Variants in ZNF407 observed in about 807,000 individuals in gnomAD.
The protein encoded by ZNF407 is zinc finger protein 407.
Under a neutral mutation model 131.2 loss-of-function variants are expected in ZNF407, and 17 were observed. That is an observed-to-expected ratio of 0.13 (90% confidence interval 0.09 to 0.19). The LOEUF (loss-of-function observed/expected upper bound fraction) is 0.19, where lower values mean the gene tolerates loss of function less well. ZNF407 is among the 10% of genes least tolerant of loss of function. ZNF407 has a pLI of 1.00. For missense variants in ZNF407, 2,681 were observed against 2,830.6 expected, an observed-to-expected ratio of 0.95 and a Z score of 1.20; for synonymous variants, 1,156 against 1,062.0, an observed-to-expected ratio of 1.09 and a Z score of -1.72.
chr18:74,687,736 A>G (rs879209167), intron 3 of ZNF407, among the ~76,000 whole-genome samples: 1 of 152,198 alleles, frequency 6.6e-6, no homozygotes, highest in African/African-American at 2.4e-5. Flanking sequence ...GCACTCATTT[A>G]TTACAAAGTC....
chr18:74,734,862 A>G (rs913090682), intron 3 of ZNF407, among the ~76,000 whole-genome samples: 1 of 152,136 alleles, frequency 6.6e-6, no homozygotes, highest in African/African-American at 2.4e-5. Context: ...TACATTTTGG[A>G]TAATGTCTAG....
chr18:74,906,942 A>C (rs1242458144), intron 7 of ZNF407, among the ~76,000 whole-genome samples: 1 of 152,220 alleles, frequency 6.6e-6, no homozygotes, highest in Non-Finnish European at 1.5e-5. Context: ...GTGTGTGCAC[A>C]CACACTGTAT....
intron 3 of ZNF407, among the ~76,000 whole-genome samples, chr18:74,767,350 C>T (rs180924834): frequency 6.6e-6 from 1 of 152,138 alleles, no homozygotes; most frequent in Non-Finnish European, 1.5e-5. Flanking sequence ...GCCAATGTTG[C>T]GGTAATTGAT....
At chr18:74,843,564 C>T (rs534987924) in intron 4 of ZNF407, among the ~76,000 whole-genome samples, 2 of 152,242 alleles carry the variant, frequency 1.3e-5, no homozygotes, top group East Asian at 3.9e-4. Flanking sequence ...CTATATGCTT[C>T]CTATGCATGG....
chr18:74,847,791 T>G (rs1261626406), intron 4 of ZNF407, among the ~76,000 whole-genome samples: 2 of 152,074 alleles, frequency 1.3e-5, no homozygotes. Context: ...CTTTAAAGAA[T>G]TTTTTGTCAT....
intron 3 of ZNF407, among the ~76,000 whole-genome samples, chr18:74,676,518 G>A (rs1002207010): frequency 1.3e-5 from 2 of 149,732 alleles, no homozygotes; most frequent in Non-Finnish European, 3.0e-5. Flanking sequence ...CTCACTGCAA[G>A]CTCCGCCTCC....
At chr18:75,015,515 T>A (rs974434155) in intron 8 of ZNF407, among the ~76,000 whole-genome samples, 114 of 147,936 alleles carry the variant, frequency 7.7e-4, no homozygotes, top group African/African-American at 2.7e-3. Flanking sequence ...ATATATATAA[T>A]ATATATGTTT....
chr18:74,878,759 A>G lies in ZNF407; in HGVS notation c.5044+1396A>G, dbSNP rs539383633. 1.3e-3 allele frequency among the ~76,000 whole-genome samples: 196 copies of G among 152,230 alleles called. 2 individuals are homozygous for G. The highest frequency in any genetic ancestry group is 4.2e-3 in the African/African-American group (175 of 41,540). ...TCCCATTATATCTCTGCTATCATAT[A>G]AATAGGGCATGCTGAATGAACCCCC... On this transcript the variant is annotated intron_variant, in intron 5 of 8. Transcript: ENST00000299687.
chr18:74,810,250 G>A (rs544421227), intron 4 of ZNF407, among the ~76,000 whole-genome samples: 3 of 152,216 alleles, frequency 2.0e-5, no homozygotes, highest in South Asian at 2.1e-4. Context: ...TGGATGCTGC[G>A]GTGGACTGGA....
intron 4 of ZNF407, among the ~76,000 whole-genome samples, chr18:74,802,535 C>T (rs548744423): frequency 1.3e-5 from 2 of 152,128 alleles, no homozygotes; most frequent in Non-Finnish European, 2.9e-5. Context: ...ATATTAAAAT[C>T]CAAATTTTAT....
intron 4 of ZNF407, among the ~76,000 whole-genome samples, chr18:74,800,200 T>A (rs962450621): frequency 7.9e-5 from 12 of 152,072 alleles, no homozygotes; most frequent in African/African-American, 2.4e-4. Flanking sequence ...AAGATAGACT[T>A]ACTTAAATTT....
chr18:74,831,985 A>G (rs543872997), intron 4 of ZNF407, among the ~76,000 whole-genome samples: 2 of 152,096 alleles, frequency 1.3e-5, no homozygotes, highest in South Asian at 2.1e-4. Flanking sequence ...GTCTGGACTA[A>G]CACCTTACAC....
At chr18:74,781,849 C>T (rs1568213127) in intron 4 of ZNF407, among the ~76,000 whole-genome samples, 1 of 152,052 alleles carries the variant, frequency 6.6e-6, no homozygotes, top group Non-Finnish European at 1.5e-5. Context: ...ATTATATATT[C>T]TTATTTTGAG....
chr18:74,631,698 A>C lies in ZNF407; in HGVS notation c.679A>C (p.Ser227Arg). The C allele has an allele frequency of 6.2e-7, 1 of 1,614,058 alleles. No homozygotes were observed. Among genetic ancestry groups the C allele is most frequent in the Non-Finnish European group, 8.5e-7 (1 of 1,179,908 alleles). Residue 227 changes from serine to arginine, a missense_variant, in exon 2 of 9, where the codon AGC (serine) becomes CGC (arginine). This residue lies in a region of ZNF407 where 1,789 missense variants were observed against 1,748.7 expected (regional missense o/e 1.02). Coordinates refer to ENST00000299687, the MANE Select transcript of ZNF407 (RefSeq NM_017757.3). The part of the protein sequence containing the change: ...CCHCSHKAES[S>R]SALHMHIKQA... ...TCACTGCAGCCACAAAGCAGAGAGC[A>C]GCTCAGCACTACATATGCATATCAA...
intron 8 of ZNF407, among the ~76,000 whole-genome samples, chr18:74,965,005 A>G (rs1026858413): frequency 7.2e-5 from 11 of 152,324 alleles, no homozygotes; most frequent in African/African-American, 2.2e-4. Flanking sequence ...GGTCTTAGAT[A>G]TAGTGTACGT....
At chr18:74,677,304 C>T (rs1465646094) in intron 3 of ZNF407, among the ~76,000 whole-genome samples, 11 of 152,054 alleles carry the variant, frequency 7.2e-5, no homozygotes, top group African/African-American at 1.7e-4. Flanking sequence ...TTGGCAGGGC[C>T]GGTCTCGAAC....
At chr18:74,803,890 G>A (rs1970064230) in intron 4 of ZNF407, 17 of 1,496,706 alleles carry the variant, frequency 1.1e-5, no homozygotes, top group Non-Finnish European at 1.4e-5. Context: ...AGCGAAAAAT[G>A]TTCACGAGAA....
chr18:74,888,887 A>T (rs1483813982), intron 6 of ZNF407, among the ~76,000 whole-genome samples: 3 of 152,172 alleles, frequency 2.0e-5, no homozygotes, highest in African/African-American at 4.8e-5. Flanking sequence ...TGAACTTCTC[A>T]TGGGTAGAAT....
At chr18:74,698,418 G>A (rs544808411) in intron 3 of ZNF407, among the ~76,000 whole-genome samples, 1 of 152,258 alleles carries the variant, frequency 6.6e-6, no homozygotes, top group South Asian at 2.1e-4. Context: ...TTCTGAGCTG[G>A]TTGTATGTAT....
Sources: allele counts gnomAD v4.1 joint callset (sites outside exome capture counted in the v4.1 genomes callset), GRCh38; gene constraint gnomAD v4.1.1; regional missense constraint gnomAD v4.1.1; transcripts MANE v1.5; gene names NCBI Gene and HGNC (gene_info 2026-07-23, HGNC 2026-07-21).